The following RUNDC3B variants were observed in gnomAD, a reference collection of about 807,000 sequenced individuals.
The protein encoded by RUNDC3B is RUN domain containing 3B, also known as RUN domain-containing protein 3B.
Under a neutral mutation model 58.4 loss-of-function variants are expected in RUNDC3B, and 33 were observed. The observed-to-expected ratio is 0.56, with a 90% confidence interval of 0.43 to 0.75. The LOEUF is 0.75. RUNDC3B is among the 30% of genes least tolerant of loss of function. RUNDC3B has a pLI of 0.00. For synonymous variants in RUNDC3B, 193 were observed against 195.2 expected (o/e 0.99, Z 0.10); for missense variants, 501 against 535.7 (o/e 0.94, Z 0.64).
intron 4 of RUNDC3B, among the ~76,000 whole-genome samples, chr7:87,715,938 G>A (rs961352187): frequency 7.9e-5 from 12 of 151,882 alleles, no homozygotes; most frequent in East Asian, 1.9e-4. Context: ...ATAGAGTAAC[G>A]GAAATAAAGA....
At chr7:87,703,465 T>C (rs940187197) in intron 3 of RUNDC3B, among the ~76,000 whole-genome samples, 1 of 152,206 alleles carries the variant, frequency 6.6e-6, no homozygotes, top group Non-Finnish European at 1.5e-5. Context: ...ATGATTTTTG[T>C]CACCTTTTTG....
intron 4 of RUNDC3B, among the ~76,000 whole-genome samples, chr7:87,723,966 A>G (rs1357886805): frequency 6.6e-6 from 1 of 152,218 alleles, no homozygotes; most frequent in Non-Finnish European, 1.5e-5. Context: ...TCACGCCTGT[A>G]ATTCCAGCAC....
At chr7:87,726,609 T>C (rs1258170827) in intron 4 of RUNDC3B, among the ~76,000 whole-genome samples, 1 of 152,262 alleles carries the variant, frequency 6.6e-6, no homozygotes, top group South Asian at 2.1e-4. Flanking sequence ...TTTAAAGTAG[T>C]TTTTTCCAAT....
chr7:87,735,971 T>C (rs1409500589), intron 4 of RUNDC3B, among the ~76,000 whole-genome samples: 1 of 152,204 alleles, frequency 6.6e-6, no homozygotes. Context: ...TAATAAATAT[T>C]TGTTTATTAA....
chr7:87,718,950 A>G (rs2130769936), intron 4 of RUNDC3B, among the ~76,000 whole-genome samples: 1 of 152,230 alleles, frequency 6.6e-6, no homozygotes, highest in Non-Finnish European at 1.5e-5. Context: ...AGGTTTTGTA[A>G]CTAGAAAACC....
At position 87,696,418 on chromosome 7, in the gene RUNDC3B, A is replaced by T. The variant is rs540034959; in HGVS notation, c.239-4003A>T. The stretch of plus-strand genomic sequence containing the variant: ...TTTTACTAGCAGTTAATCTGTATTT[A>T]CATAAAAGTGATGTTCAAATAATAT... On this transcript the variant is annotated intron_variant, in intron 2 of 10. Transcript: ENST00000394654. Among the ~76,000 whole-genome samples the T allele has an allele frequency of 6.6e-5, 10 of 152,322 alleles. No individual in the cohort carries two copies. In the East Asian group the frequency reaches 1.9e-3, roughly 29 times the overall value.
At chr7:87,662,846 A>G (rs184160259) in intron 2 of RUNDC3B, among the ~76,000 whole-genome samples, 364 of 152,224 alleles carry the variant, frequency 2.4e-3, no homozygotes, top group Middle Eastern at 0.014. Context: ...TTTGAGTAGT[A>G]TGGGCATTTT....
At chr7:87,801,917 G>GA (rs1288122047) in intron 8 of RUNDC3B, among the ~76,000 whole-genome samples, 1 of 152,112 alleles carries the variant, frequency 6.6e-6, no homozygotes, top group Non-Finnish European at 1.5e-5. Flanking sequence ...AGCTGTTTTT[G>GA]AAAGAGACAG....
intron 6 of RUNDC3B, among the ~76,000 whole-genome samples, chr7:87,752,137 T>G (rs1262082152): frequency 6.6e-6 from 1 of 152,248 alleles, no homozygotes; most frequent in Non-Finnish European, 1.5e-5. Context: ...GATAATCATA[T>G]GGTTTTTGTC....
chr7:87,680,814 AAAAAG>A (rs1311812133), intron 2 of RUNDC3B, among the ~76,000 whole-genome samples: 1 of 150,428 alleles, frequency 6.6e-6, no homozygotes, highest in African/African-American at 2.5e-5. Context: ...AAAGAAAAGA[AAAAAG>A]AAAAAGAAAC....
chr7:87,752,485 G>C (rs1206879103), intron 6 of RUNDC3B, among the ~76,000 whole-genome samples: 2 of 152,064 alleles, frequency 1.3e-5, no homozygotes, highest in Non-Finnish European at 2.9e-5. Context: ...GTAGAATTCA[G>C]CTGTGAATCC....
intron 10 of RUNDC3B, among the ~76,000 whole-genome samples, chr7:87,820,918 C>A (rs887331301): frequency 7.9e-5 from 12 of 151,798 alleles, no homozygotes; most frequent in Non-Finnish European, 1.8e-4. Context: ...CTATGACAAA[C>A]CCACAGCCAA....
At chr7:87,744,432 A>G (rs1349495817) in intron 6 of RUNDC3B, among the ~76,000 whole-genome samples, 2 of 152,036 alleles carry the variant, frequency 1.3e-5, no homozygotes, top group African/African-American at 4.8e-5. Flanking sequence ...TATTGATTCT[A>G]CCCATCCATG....
chr7:87,730,138 G>A (rs1291387751), intron 4 of RUNDC3B, among the ~76,000 whole-genome samples: 1 of 152,180 alleles, frequency 6.6e-6, no homozygotes, highest in African/African-American at 2.4e-5. Flanking sequence ...GGCTTCAGGA[G>A]TGACCCTGCA....
chr7:87,814,742 T>A (rs949805011), intron 9 of RUNDC3B, among the ~76,000 whole-genome samples: 6 of 152,156 alleles, frequency 3.9e-5, no homozygotes. Context: ...AATAGTAGAA[T>A]TTTCTGGTAG....
intron 5 of RUNDC3B, 111 bp from the exon 6 acceptor site, chr7:87,741,388 C>A: frequency 3.5e-6 from 2 of 568,472 alleles, no homozygotes; most frequent in South Asian, 3.0e-5. Flanking sequence ...CAAAAAAATT[C>A]GCTTGCCATT....
At chr7:87,656,405 G>C (rs989789640) in intron 2 of RUNDC3B, among the ~76,000 whole-genome samples, 1 of 152,058 alleles carries the variant, frequency 6.6e-6, no homozygotes, top group African/African-American at 2.4e-5. Context: ...GTTGGTTGTG[G>C]GTAGGAGAAA....
chr7:87,647,487 C>A, intron 1 of RUNDC3B, among the ~76,000 whole-genome samples: 1 of 152,084 alleles, frequency 6.6e-6, no homozygotes. Context: ...GTAAACATTG[C>A]TACATTTTTC....
intron 8 of RUNDC3B, among the ~76,000 whole-genome samples, chr7:87,782,766 T>C (rs1835005193): frequency 6.6e-6 from 1 of 152,132 alleles, no homozygotes; most frequent in Admixed American, 6.6e-5. Flanking sequence ...AATGTGATTG[T>C]GTGATTTTGA....
Sources: allele counts gnomAD v4.1 joint callset (sites outside exome capture counted in the v4.1 genomes callset), GRCh38; gene constraint gnomAD v4.1.1; transcripts MANE v1.5; gene names NCBI Gene and HGNC (gene_info 2026-07-23, HGNC 2026-07-21).